Variants in LRRC37A3 observed in about 807,000 individuals in gnomAD.
LRRC37A3 encodes leucine rich repeat containing 37 member A3, also known as leucine-rich repeat-containing protein 37A3.
A neutral mutation model predicts 106.2 loss-of-function variants in LRRC37A3; 25 were observed. The ratio of observed to expected loss-of-function variants is 0.24; its 90% CI spans 0.17 to 0.33. The LOEUF is 0.33. Among genes scored for constraint, LRRC37A3 ranks in the 10% least tolerant of loss-of-function variants. The pLI is 1.00. For missense variants in LRRC37A3, 712 were observed against 1,644.9 expected, an observed-to-expected ratio of 0.43 and a Z score of 9.81; for synonymous variants, 305 against 635.8, an observed-to-expected ratio of 0.48 and a Z score of 7.83.
intron 2 of LRRC37A3, chr17:64,909,773 AG>A (rs1015671674): frequency 6.6e-6 from 1 of 152,242 alleles, no homozygotes; most frequent in African/African-American, 2.4e-5. Context: ...CGCCCACAAA[AG>A]AAACTGCTAA....
At chr17:64,909,430 A>G (rs1185878623) in intron 2 of LRRC37A3, among the ~76,000 whole-genome samples, 3 of 152,220 alleles carry the variant, frequency 2.0e-5, no homozygotes, top group Non-Finnish European at 4.4e-5. Flanking sequence ...AAGTTTGAAA[A>G]GCTGCCTTGA....
intron 1 of LRRC37A3, among the ~76,000 whole-genome samples, 168 bp from the exon 2 acceptor site, chr17:64,919,038 T>G (rs926388072): frequency 7.3e-5 from 11 of 151,546 alleles, no homozygotes; most frequent in African/African-American, 2.7e-4. Context: ...GCGGCGGCTT[T>G]CTCCGGCTAC....
At chr17:64,859,350 C>T (rs1024683246) in intron 12 of LRRC37A3, 92 bp downstream of exon 12, 21 of 1,362,532 alleles carry the variant, frequency 1.5e-5, no homozygotes, top group Non-Finnish European at 2.0e-5. Flanking sequence ...TAAGCTATGG[C>T]CTGGGAGTCC....
chr17:64,869,611 C>T (rs1454928521), intron 8 of LRRC37A3, among the ~76,000 whole-genome samples: 8 of 147,022 alleles, frequency 5.4e-5, no homozygotes, highest in Admixed American at 5.4e-4. Context: ...TCTTGGCTCA[C>T]TGCAACCTCC....
intron 8 of LRRC37A3, among the ~76,000 whole-genome samples, chr17:64,874,691 T>C (rs967698639): frequency 6.6e-6 from 1 of 152,180 alleles, no homozygotes; most frequent in African/African-American, 2.4e-5. Flanking sequence ...AGAAATCAGA[T>C]TGTTGCTGTG....
At chr17:64,881,831 C>T (rs1348694047) in intron 8 of LRRC37A3, among the ~76,000 whole-genome samples, 4 of 149,888 alleles carry the variant, frequency 2.7e-5, no homozygotes, top group Non-Finnish European at 5.9e-5. Context: ...CAGCACTGAC[C>T]GGTGAGCATA....
intron 2 of LRRC37A3, among the ~76,000 whole-genome samples, chr17:64,913,468 GTAGCTGGGACTA>G (rs1302066981): frequency 3.3e-5 from 5 of 151,794 alleles, no homozygotes; most frequent in African/African-American, 1.2e-4. Context: ...AACCTTCTGA[GTAGCTGGGACTA>G]CAGACGTGTG....
rs1361338963 is a variant in LRRC37A3 at position 64,870,106 on chromosome 17, T to C, written c.2907-940A>G. ...ACATTTTTTTTTTTTTTTTTTTTTT[T>C]CTGAGACGGAGTCTCACTCTGTCGC... is the stretch of plus-strand genomic sequence containing the variant. On this transcript the variant is annotated intron_variant, in intron 8 of 14. Coordinates refer to ENST00000584306, the MANE Select transcript of LRRC37A3 (RefSeq NM_199340.5). 3.5e-5 allele frequency among the ~76,000 whole-genome samples: 5 copies of C among 144,772 alleles called. No homozygotes were observed. The East Asian group carries it at 5.9e-4, about 17-fold the overall frequency. 95.0% of individuals were successfully genotyped at this position (144,772 alleles called of 152,430 possible).
intron 8 of LRRC37A3, among the ~76,000 whole-genome samples, chr17:64,869,931 C>CAAA (rs911881059): frequency 2.2e-3 from 31 of 14,026 alleles, no homozygotes; most frequent in Admixed American, 0.012. Context: ...GCTTTATAGC[C>CAAA]AAAGAAGGAA....
chr17:64,869,434 T>A (rs1973228194), intron 8 of LRRC37A3, among the ~76,000 whole-genome samples: 2 of 151,772 alleles, frequency 1.3e-5, no homozygotes, highest in African/African-American at 4.8e-5. Flanking sequence ...ACAGAACTTT[T>A]CAGGTCAAAA....
intron 2 of LRRC37A3, among the ~76,000 whole-genome samples, chr17:64,910,663 G>C: frequency 8.2e-5 from 1 of 12,216 alleles, no homozygotes; most frequent in South Asian, 1.4e-3. Flanking sequence ...TTTTTTTTTT[G>C]AGCTGGAGTC....
At chr17:64,861,170 C>T (rs1445998561) in intron 11 of LRRC37A3, among the ~76,000 whole-genome samples, 197 bp from the exon 12 acceptor site, 4 of 152,114 alleles carry the variant, frequency 2.6e-5, no homozygotes, top group African/African-American at 4.8e-5. Context: ...TTTGAAAACA[C>T]GGCCACCTAC....
intron 13 of LRRC37A3, among the ~76,000 whole-genome samples, chr17:64,858,218 G>A (rs576673083): frequency 2.4e-4 from 37 of 152,170 alleles, no homozygotes; most frequent in Non-Finnish European, 4.1e-4. Flanking sequence ...CCTCACCAGT[G>A]AACTTAAAAA....
chr17:64,918,405 T>A (rs1312644175), intron 2 of LRRC37A3, among the ~76,000 whole-genome samples: 3 of 151,482 alleles, frequency 2.0e-5, no homozygotes, highest in Non-Finnish European at 1.5e-5. Flanking sequence ...ATTACCCAGG[T>A]TCCCATCAAT....
At chr17:64,873,423 G>T (rs1158355254) in intron 8 of LRRC37A3, among the ~76,000 whole-genome samples, 3 of 152,218 alleles carry the variant, frequency 2.0e-5, no homozygotes, top group African/African-American at 7.2e-5. Flanking sequence ...GCCTCCCAAA[G>T]TGCTGGGGTT....
chr17:64,876,499 A>G (rs2143483608), intron 8 of LRRC37A3, among the ~76,000 whole-genome samples: 1 of 152,322 alleles, frequency 6.6e-6, no homozygotes, highest in African/African-American at 2.4e-5. Flanking sequence ...CAGAAGACCA[A>G]ATTATTAAAA....
In LRRC37A3 at chr17:64,875,223, T is replaced by C. The variant is rs371773253; in HGVS notation, c.2907-6057A>G. ...GCCTGGGAGGTGGAGGCTGCAACGA[T>C]GTGAGTGGTTGCACCACTGCACTCC... On this transcript the variant is annotated intron_variant, in intron 8 of 14. Transcript: ENST00000584306. 1.8e-4 allele frequency among the ~76,000 whole-genome samples: 27 copies of C among 152,288 alleles called. No homozygotes were observed. The East Asian group carries it at 5.0e-3, about 28-fold the overall frequency.
At chr17:64,869,895 T>TA (rs1250094375) in intron 8 of LRRC37A3, among the ~76,000 whole-genome samples, 13 of 125,162 alleles carry the variant, frequency 1.0e-4, no homozygotes, top group East Asian at 2.2e-4. Context: ...TTTGCACAGT[T>TA]AAAAAAAAAT....
At chr17:64,916,782 T>C (rs1455606080) in intron 2 of LRRC37A3, among the ~76,000 whole-genome samples, 1 of 146,190 alleles carries the variant, frequency 6.8e-6, no homozygotes, top group Non-Finnish European at 1.5e-5. Flanking sequence ...CAAGACTCTG[T>C]CTCAAAAAAA....
Sources: gnomAD v4.1 joint callset for allele counts (sites outside exome capture counted in the v4.1 genomes callset) on GRCh38, gnomAD v4.1.1 for gene constraint, MANE v1.5 for transcripts, NCBI Gene and HGNC (gene_info 2026-07-23, HGNC 2026-07-21) for gene names.